SLC8B1: variants seen among roughly 807,000 people sequenced by gnomAD.
The protein encoded by SLC8B1 is solute carrier family 8 member B1, also known as mitochondrial sodium/calcium exchanger protein.
In SLC8B1, 52 loss-of-function variants were observed where a neutral mutation model predicts 63.4. The ratio of observed to expected loss-of-function variants is 0.82; its 90% CI spans 0.66 to 1.03. SLC8B1 has a LOEUF of 1.03. Ranked by LOEUF, SLC8B1 falls within the 50% of genes least tolerant of loss-of-function variation. The pLI, the probability that SLC8B1 is intolerant of heterozygous loss-of-function variation, is 0.00. For missense variants in SLC8B1, 657 were observed against 741.7 expected, an observed-to-expected ratio of 0.89 and a Z score of 1.33; for synonymous variants, 336 against 323.9, an observed-to-expected ratio of 1.04 and a Z score of -0.40.
At chr12:113,331,499 C>T (rs1957054123) in intron 2 of SLC8B1, among the ~76,000 whole-genome samples, 1 of 151,876 alleles carries the variant, frequency 6.6e-6, no homozygotes, top group Non-Finnish European at 1.5e-5. Flanking sequence ...TAAAAGCAGG[C>T]AGAAGAATGT....
In SLC8B1 at chr12:113,305,342, C is replaced by T. The variant is rs932605670; in HGVS notation, c.1493-957G>A. ...CAGGCATCACTGTCTCCGCAGTTAGCCTGTTTTGCCGGCCAACTGCTCACA... is the reference window on the plus strand; with the variant it reads ...CAGGCATCACTGTCTCCGCAGTTAGTCTGTTTTGCCGGCCAACTGCTCACA... On this transcript the variant is annotated intron_variant, in intron 14 of 15. Coordinates refer to ENST00000680972, the MANE Select transcript of SLC8B1 (RefSeq NM_001358345.2). This position sits in a 1 kb window ranked among gnomAD's most constrained non-coding sequence, Gnocchi z 4.3. Among the ~76,000 whole-genome samples the T allele has an allele frequency of 6.6e-6, 1 of 152,262 alleles. No individual in the cohort carries two copies. The highest frequency in any genetic ancestry group is 1.5e-5 in the Non-Finnish European group (1 of 68,044).
chr12:113,307,748 G>A lies in SLC8B1; in HGVS notation c.1354C>T (p.Arg452Trp), dbSNP rs776675891. The A allele has an allele frequency of 2.4e-5, 39 of 1,613,844 alleles. No homozygotes were observed. The Middle Eastern group carries it at 9.9e-4, about 41-fold the overall frequency. ...AGCCCCAGCACAGTGTTGCTCAGCC[G>A]GAAGACCACACCCAGGGACCGCAAG... ...NILRSLGVVFRLSNTVLGLTL... is the reference protein window; with the variant it reads ...NILRSLGVVFWLSNTVLGLTL... The change falls in exon 13 of 16, where the codon CGG (arginine) becomes TGG (tryptophan). Residue 452 changes from arginine to tryptophan, a missense_variant. Transcript: ENST00000680972.
At chr12:113,321,939 T>A (rs991399789) in intron 2 of SLC8B1, among the ~76,000 whole-genome samples, 2 of 152,150 alleles carry the variant, frequency 1.3e-5, no homozygotes, top group Non-Finnish European at 2.9e-5. Context: ...ATGCCTATAA[T>A]CCCAGCACTT....
intron 2 of SLC8B1, among the ~76,000 whole-genome samples, chr12:113,323,570 G>A (rs1312539643): frequency 2.0e-5 from 3 of 152,030 alleles, no homozygotes; most frequent in African/African-American, 7.2e-5. Flanking sequence ...TGAGCCAGGC[G>A]TGGTGACATC....
intron 14 of SLC8B1, 69 bp from the exon 15 acceptor site, chr12:113,304,454 C>A: frequency 7.0e-7 from 1 of 1,422,532 alleles, no homozygotes; most frequent in South Asian, 1.1e-5. Flanking sequence ...CCCGTTCCTC[C>A]TACTGTGTTC....
chr12:113,325,544 G>A (rs1956986306), intron 2 of SLC8B1, among the ~76,000 whole-genome samples: 1 of 151,618 alleles, frequency 6.6e-6, no homozygotes, highest in Non-Finnish European at 1.5e-5. Context: ...TTATAGGCGT[G>A]AACCACCAAA....
At chr12:113,328,003 T>C (rs1013420843) in intron 2 of SLC8B1, among the ~76,000 whole-genome samples, 1 of 146,560 alleles carries the variant, frequency 6.8e-6, no homozygotes, top group Non-Finnish European at 1.5e-5. Flanking sequence ...AAAGGTTGCA[T>C]TATCATCATC....
At chr12:113,318,844 G>A in intron 8 of SLC8B1, 120 bp downstream of exon 8, 1 of 711,290 alleles carries the variant, frequency 1.4e-6, no homozygotes, top group East Asian at 2.8e-5. Flanking sequence ...AGTAGAAAGA[G>A]CATGAAGAGG....
chr12:113,319,622 CCT>C (rs1956891999), intron 7 of SLC8B1, among the ~76,000 whole-genome samples: 1 of 152,128 alleles, frequency 6.6e-6, no homozygotes, highest in African/African-American at 2.4e-5. Context: ...GTTGCTGGCC[CCT>C]GAGTATCTCG....
intron 2 of SLC8B1, among the ~76,000 whole-genome samples, chr12:113,325,266 A>G (rs999508000): frequency 6.6e-6 from 1 of 151,868 alleles, no homozygotes; most frequent in Non-Finnish European, 1.5e-5. Flanking sequence ...ACTGAATTTT[A>G]TTATTTTAGA....
intron 8 of SLC8B1, among the ~76,000 whole-genome samples, chr12:113,317,740 G>A (rs1235854698): frequency 2.6e-5 from 3 of 113,998 alleles, no homozygotes; most frequent in African/African-American, 1.1e-4. Context: ...CTATGTATGT[G>A]CATGTATTTG....
At chr12:113,315,215 G>A in intron 11 of SLC8B1, 120 bp downstream of exon 11, 2 of 1,058,806 alleles carry the variant, frequency 1.9e-6, no homozygotes, top group Non-Finnish European at 2.6e-6. Context: ...GAACCCGAGA[G>A]GTGGAGGGAG....
In SLC8B1 at chr12:113,320,279, C is replaced by A; in HGVS notation, c.694+52G>T. 1 of 1,592,810 alleles carries A rather than the reference C, an allele frequency of 6.3e-7. No homozygotes were observed. The highest frequency in any genetic ancestry group is 8.6e-7 in the Non-Finnish European group (1 of 1,168,980). ...CTCTCTGTCCCAGGCACCTCCTAAA[C>A]CTCCTGCCCATCAGCCCTGGGATCT... On this transcript the variant is annotated intron_variant, in intron 7 of 15. Transcript: ENST00000680972. This position sits in a 1 kb window ranked among gnomAD's most constrained non-coding sequence, Gnocchi z 5.3.
chr12:113,312,587 G>C (rs933141719), intron 11 of SLC8B1, among the ~76,000 whole-genome samples: 3 of 152,172 alleles, frequency 2.0e-5, no homozygotes, highest in Non-Finnish European at 4.4e-5. Context: ...CCTTCAGGCT[G>C]GGAGCCAGTC....
intron 2 of SLC8B1, among the ~76,000 whole-genome samples, chr12:113,331,741 G>A (rs941853947): frequency 1.3e-5 from 2 of 152,084 alleles, no homozygotes; most frequent in Non-Finnish European, 2.9e-5. Flanking sequence ...CTGTGATCAT[G>A]TGAGTCAATA....
chr12:113,308,345 C>T (rs552985499), intron 12 of SLC8B1: 1 of 149,826 alleles, frequency 6.7e-6, no homozygotes, highest in South Asian at 2.1e-4. Context: ...GACTCTGTCT[C>T]GAAAAAAGAA....
In SLC8B1 at chr12:113,299,330, C is replaced by T. The variant is rs1487001959; in HGVS notation, c.*447G>A. 3 of 188,986 alleles carry T rather than the reference C, an allele frequency of 1.6e-5. No homozygotes were observed. The highest frequency in any genetic ancestry group is 3.4e-5 in the Non-Finnish European group (3 of 88,594). The allele number at this position is 188,986 out of a possible 1,614,324, so 11.7% of individuals were successfully genotyped here. On this transcript the variant is annotated 3_prime_UTR_variant, in exon 16 of 16. Transcript: ENST00000680972. Reference sequence around the variant, plus strand: ...CAGGGGTCCAAGCCACCCTCATTCTCTGAGTCAGGGTTGGGCAGCCACTTG... The same window carrying T: ...CAGGGGTCCAAGCCACCCTCATTCTTTGAGTCAGGGTTGGGCAGCCACTTG...
rs1291256642 is a variant in SLC8B1, at chr12:113,299,541, T to C, written c.*236A>G. 3.8e-6 allele frequency: 2 copies of C among 529,396 alleles called. No homozygotes were observed. Among genetic ancestry groups the C allele is most frequent in the East Asian group, 3.4e-5 (1 of 29,666 alleles). 32.8% of individuals were successfully genotyped at this position (529,396 alleles called of 1,614,324 possible). On this transcript the variant is annotated 3_prime_UTR_variant, in exon 16 of 16. Coordinates refer to ENST00000680972, the MANE Select transcript of SLC8B1 (RefSeq NM_001358345.2). ...ACTTCTAGCTTCTCTCTGGAACCCT[T>C]TGTCCAGAGCAAAGCCAGGTTTCCA...
At chr12:113,327,979 C>CA (rs76685425) in intron 2 of SLC8B1, among the ~76,000 whole-genome samples, 2,893 of 86,606 alleles carry the variant, frequency 0.033, 95 homozygotes, top group African/African-American at 0.1. Context: ...ACTACGTCTC[C>CA]AAAAAAAAAA....
Sources: allele counts gnomAD v4.1 joint callset (sites outside exome capture counted in the v4.1 genomes callset), GRCh38; gene constraint gnomAD v4.1.1; non-coding constraint Gnocchi (gnomAD v3.1); transcripts MANE v1.5; gene names NCBI Gene and HGNC (gene_info 2026-07-23, HGNC 2026-07-21).